The following C1R variants were observed in gnomAD, a reference collection of about 807,000 sequenced individuals.
C1R encodes complement C1r subcomponent.
Under a neutral mutation model 27.6 loss-of-function variants are expected in C1R, and 15 were observed. The ratio of observed to expected loss-of-function variants is 0.54; its 90% confidence interval spans 0.36 to 0.84. C1R has a LOEUF of 0.84. C1R is among the 40% of genes least tolerant of loss of function. C1R has a pLI of 0.01. For missense variants in C1R, 544 were observed against 577.9 expected (o/e 0.94, Z 0.60); for synonymous variants, 253 against 228.8 (o/e 1.11, Z -0.95).
rs1445598118 is a variant in C1R, at chr12:7,091,896, TCCAGAGGC to T, written c.3-224_3-217del. ...GGTCACTCTCCAGGGCAGTGTCCAGTCCAGAGGCCACCACACTCCCCTCACACTCCCTT... is the reference window on the plus strand; with the variant it reads ...GGTCACTCTCCAGGGCAGTGTCCAGTCACCACACTCCCCTCACACTCCCTT... On this transcript the variant is annotated intron_variant, in intron 1 of 10. Coordinates refer to ENST00000647956, the MANE Select transcript of C1R (RefSeq NM_001733.7). The surrounding 1 kb of genome is among the most constrained non-coding windows in gnomAD (Gnocchi z 5.1). The T allele has an allele frequency of 4.4e-6, 3 of 687,232 alleles. No homozygotes were observed. Among genetic ancestry groups the T allele is most frequent in the Non-Finnish European group, 8.0e-6 (3 of 376,636 alleles). The allele number at this position is 687,232 out of a possible 1,614,324, so 42.6% of individuals were successfully genotyped here.
In C1R at chr12:7,080,974, G is replaced by A. The variant is rs868475553; in HGVS notation, c.1676C>T (p.Ala559Val). The A allele has an allele frequency of 6.2e-7, 1 of 1,613,854 alleles. No homozygotes were observed. Among genetic ancestry groups the A allele is most frequent in the Non-Finnish European group, 8.5e-7 (1 of 1,179,742 alleles). Residue 559 changes from alanine (A) to valine (V), a missense_variant, in exon 11 of 11, where the codon GCC (alanine) becomes GTC (valine). This residue lies in a region of C1R where 253 missense variants were observed against 368.9 expected (regional missense o/e 0.69). Coordinates refer to ENST00000647956, the MANE Select transcript of C1R (RefSeq NM_001733.7). This position sits in a 1 kb window ranked among gnomAD's most constrained non-coding sequence, Gnocchi z 4.9. ...DESYNFEGDI[A>V]LLELENSVTL... is the part of the protein sequence containing the mutation. The stretch of plus-strand genomic sequence containing the variant: ...GACACTATTTTCCAGCTCCAGCAGG[G>A]CGATGTCCCCCTCAAAATTGTAGGA...
rs1386368812 is a variant in C1R at position 7,086,381 on chromosome 12, T to C, written c.1115A>G (p.Lys372Arg). Reference sequence around the variant, plus strand: ...CATATCCCTGAATTGTGACTTACTCTTGCATCTGGGCATGGCACGATGCCA... The same window carrying C: ...CATATCCCTGAATTGTGACTTACTCCTGCATCTGGGCATGGCACGATGCCA... ...GTWHRAMPRC[K>R]IKDCGQPRNL... Residue 372 changes from lysine to arginine, a missense_variant and splice_region_variant, in exon 8 of 11, where the codon AAG becomes AGG. Lys to Arg is a conservative substitution (Grantham distance 26, BLOSUM62 2). This residue lies in a region of C1R where 291 missense variants were observed against 209.0 expected (regional missense o/e 1.39). Transcript: ENST00000647956. 1 of 398,718 alleles carries C rather than the reference T, an allele frequency of 2.5e-6. No homozygotes were observed. Among genetic ancestry groups the C allele is most frequent in the East Asian group, 3.6e-5 (1 of 28,082 alleles). The allele number at this position is 398,718 out of a possible 1,614,324, so 24.7% of individuals were successfully genotyped here.
At chr12:7,086,327 C>T (rs1938155346) in intron 8 of C1R, 52 bp downstream of exon 8, 2 of 398,374 alleles carry the variant, frequency 5.0e-6, no homozygotes, top group Admixed American at 4.4e-5. Context: ...CCCAGGTCCT[C>T]AAGGCAGGAG....
chr12:7,086,558 CTTGGCTCCCCCATGGAT>C, intron 7 of C1R, 101 bp from the exon 8 acceptor site: 3 of 394,654 alleles, frequency 7.6e-6, no homozygotes, highest in Non-Finnish European at 4.5e-6. Flanking sequence ...CAAGACATCT[CTTGGCTCCCCCATGGAT>C]GTGGCTCCCC....
intron 9 of C1R, among the ~76,000 whole-genome samples, chr12:7,082,737 C>T (rs1456344227): frequency 3.3e-5 from 5 of 152,146 alleles, no homozygotes; most frequent in African/African-American, 9.7e-5. Context: ...GCATCTTGGT[C>T]GTGGAATCAT....
chr12:7,085,247 ATGG>A (rs1395666708), intron 9 of C1R, among the ~76,000 whole-genome samples: 1 of 143,926 alleles, frequency 6.9e-6, no homozygotes, highest in Non-Finnish European at 1.5e-5. Context: ...GGTGTTGGTA[ATGG>A]TGGTGGTGAT....
In C1R at chr12:7,085,897, T is replaced by C. The variant is rs913683008; in HGVS notation, c.1237A>G (p.Met413Val). Residue 413 changes from methionine to valine, a missense_variant, in exon 9 of 11, where the codon ATG becomes GTG. By Grantham distance (21) the Met-to-Val change is conservative. This residue lies in a region of C1R where 291 missense variants were observed against 209.0 expected (regional missense o/e 1.39). Transcript: ENST00000647956. ...TCCCTGCTGCCAGCTCTGGTCTGCA[T>C]CTTGTAATATGGCTCATGGCAGTAG... ...QYYCHEPYYKMQTRAGSRESE... is the reference protein window; with the variant it reads ...QYYCHEPYYKVQTRAGSRESE... 31 of 398,546 alleles carry C rather than the reference T, an allele frequency of 7.8e-5. No homozygotes were observed. The highest frequency in any genetic ancestry group is 5.6e-4 in the African/African-American group (27 of 48,612). 24.7% of individuals were successfully genotyped at this position (398,546 alleles called of 1,614,324 possible).
chr12:7,085,145 GTGT>G (rs1360694105), intron 9 of C1R, among the ~76,000 whole-genome samples: 9 of 141,428 alleles, frequency 6.4e-5, no homozygotes, highest in African/African-American at 2.5e-4. Flanking sequence ...GGTGATGATG[GTGT>G]TGGTGGTGAT....
In C1R at chr12:7,085,972, G is replaced by A. The variant is rs1483206280; in HGVS notation, c.1162C>T (p.Arg388Cys). 4.8e-5 allele frequency: 19 copies of A among 398,604 alleles called. No homozygotes were observed. Among genetic ancestry groups the A allele is most frequent in the East Asian group, 2.1e-4 (6 of 28,084 alleles). 24.7% of individuals were successfully genotyped at this position (398,604 alleles called of 1,614,324 possible). Residue 388 changes from arginine (R) to cysteine (C), a missense_variant, in exon 9 of 11, where the codon CGT becomes TGT. This residue lies in a region of C1R where 291 missense variants were observed against 209.0 expected (regional missense o/e 1.39). Transcript: ENST00000647956. ...TTCACTCCCATTGTGGTGGTGTAAC[G>A]GAAGTCACCATTAGGCAGGTTTCGG... ...QPRNLPNGDF[R>C]YTTTMGVNTY...
In C1R at chr12:7,091,820, C is replaced by T. The variant is rs993592492; in HGVS notation, c.3-140G>A. 3 of 706,666 alleles carry T rather than the reference C, an allele frequency of 4.2e-6. No individual in the cohort carries two copies. The highest frequency in any genetic ancestry group is 3.0e-5 in the South Asian group (2 of 66,748). The allele number at this position is 706,666 out of a possible 1,614,324, so 43.8% of individuals were successfully genotyped here. On this transcript the variant is annotated intron_variant, in intron 1 of 10. Transcript: ENST00000647956. The surrounding 1 kb of genome is among the most constrained non-coding windows in gnomAD (Gnocchi z 5.1). ...CCACCCTGAACCTCACAGACATGTT[C>T]TCAGCAGGGGTGCGTGGGTGGGGAG... is the stretch of plus-strand genomic sequence containing the variant.
rs1938034869 is a variant in C1R at position 7,080,549 on chromosome 12, T to C, written c.2101A>G (p.Met701Val). ...LNYVDWIKKE[M>V]EEED is the part of the protein sequence containing the mutation. Reference sequence around the variant, plus strand: ...TTCTGGGCTCAGTCCTCCTCCTCCATCTCTTTCTTGATCCAGTCCACGTAG... The same window carrying C: ...TTCTGGGCTCAGTCCTCCTCCTCCACCTCTTTCTTGATCCAGTCCACGTAG... The change falls in exon 11 of 11, where the codon ATG becomes GTG. Residue 701 changes from methionine (M) to valine (V), a missense_variant. Physicochemically the swap from Met to Val is conservative, Grantham distance 21. Coordinates refer to ENST00000647956, the MANE Select transcript of C1R (RefSeq NM_001733.7). This position sits in a 1 kb window ranked among gnomAD's most constrained non-coding sequence, Gnocchi z 4.9. The C allele has an allele frequency of 1.3e-6, 2 of 1,571,840 alleles. No individual in the cohort carries two copies. Among genetic ancestry groups the C allele is most frequent in the Admixed American group, 3.5e-5 (2 of 56,748 alleles).
At chr12:7,089,083 T>G in intron 5 of C1R, 97 bp from the exon 6 acceptor site, 1 of 637,916 alleles carries the variant, frequency 1.6e-6, no homozygotes, top group Non-Finnish European at 2.8e-6. Context: ...GTGGTGGTGA[T>G]GAAATCCTGC....
Position 7,081,219 on chromosome 12 carries a change from C to A in C1R, c.1431G>T (p.Trp477Cys). ...GCCCGTGGATGTTGGTGAACACCTG[C>A]CAGGGGAAGTTGCCCATCTTGGCTT... ...GQKAKMGNFPWQVFTNIHGRG... is the reference protein window; with the variant it reads ...GQKAKMGNFPCQVFTNIHGRG... Residue 477 changes from tryptophan to cysteine, a missense_variant, in exon 11 of 11, where the codon TGG becomes TGT. Transcript: ENST00000647956. The A allele has an allele frequency of 6.2e-7, 1 of 1,613,310 alleles. No homozygotes were observed. Among genetic ancestry groups the A allele is most frequent in the Non-Finnish European group, 8.5e-7 (1 of 1,179,570 alleles).
In C1R at chr12:7,086,594, T is replaced by C. The variant is rs1343192038; in HGVS notation, c.1039-137A>G. 5 of 391,002 alleles carry C rather than the reference T, an allele frequency of 1.3e-5. No homozygotes were observed. The Admixed American group carries it at 1.3e-4, about 10-fold the overall frequency. 24.2% of individuals were successfully genotyped at this position (391,002 alleles called of 1,614,324 possible). A position where few individuals can be genotyped will look rare whatever the true frequency, so the allele number is the denominator to read the frequency against. ...CATGGATGTGGCTCCCCCATGGATG[T>C]GGCTCCCCCATGGATGTGGCTCCTT... On this transcript the variant is annotated intron_variant, in intron 7 of 10. Transcript: ENST00000647956.
intron 9 of C1R, among the ~76,000 whole-genome samples, chr12:7,083,564 G>T (rs1385018055): frequency 6.6e-6 from 1 of 151,028 alleles, no homozygotes; most frequent in East Asian, 2.0e-4. Context: ...AGTGGTGTTG[G>T]TAATGGTGAT....
Position 7,080,458 on chromosome 12 carries a change from A to G in C1R, c.*74T>C. On this transcript the variant is annotated 3_prime_UTR_variant, in exon 11 of 11. Transcript: ENST00000647956. This position sits in a 1 kb window ranked among gnomAD's most constrained non-coding sequence, Gnocchi z 4.9. ...TTAATAGAGACTCTTAGTGGTTATC[A>G]ACAACTGGTCAGTTGTTTTTTGTTT... 6.6e-7 allele frequency: 1 copy of G among 1,507,980 alleles called. No homozygotes were observed. The highest frequency in any genetic ancestry group is 2.3e-5 in the East Asian group (1 of 43,968). The allele number at this position is 1,507,980 out of a possible 1,614,324, so 93.4% of individuals were successfully genotyped here. A position where few individuals can be genotyped will look rare whatever the true frequency, so the allele number is the denominator to read the frequency against.
In C1R at chr12:7,088,973, C is replaced by T. The variant is rs1227219335; in HGVS notation, c.782G>A (p.Gly261Glu). 1 of 746,878 alleles carries T rather than the reference C, an allele frequency of 1.3e-6. No individual in the cohort carries two copies. 46.3% of individuals were successfully genotyped at this position (746,878 alleles called of 1,614,324 possible). A position where few individuals can be genotyped will look rare whatever the true frequency, so the allele number is the denominator to read the frequency against. The change falls in exon 6 of 11, where the codon GGG (glycine) becomes GAG (glutamate). Residue 261 changes from glycine to glutamate, a missense_variant. By Grantham distance (98) the Gly-to-Glu change is moderately conservative. This residue lies in a region of C1R where 291 missense variants were observed against 209.0 expected (regional missense o/e 1.39). Transcript: ENST00000647956. ...CCCACAGAACTCGCCAATGTTCTTC[C>T]CGTTGGCATAGATCTAGTAGGGGAG... ...PYDQLQIYAN[G>E]KNIGEFCGKQ...
chr12:7,092,248 G>T lies in C1R; in HGVS notation c.2+139C>A. 4.1e-6 allele frequency: 3 copies of T among 726,226 alleles called. No individual in the cohort carries two copies. The Admixed American group carries it at 5.8e-5, about 14-fold the overall frequency. The allele number at this position is 726,226 out of a possible 1,614,324, so 45.0% of individuals were successfully genotyped here. A position where few individuals can be genotyped will look rare whatever the true frequency, so the allele number is the denominator to read the frequency against. ...AGGAGGGATGGGGCGTGTGTTGTGT[G>T]TGTCCACGCGTGTGCACAGTGGAAC... On this transcript the variant is annotated intron_variant, in intron 1 of 10. Transcript: ENST00000647956.
chr12:7,089,986 A>G (rs1202540321), intron 3 of C1R, 70 bp downstream of exon 3: 3 of 705,616 alleles, frequency 4.3e-6, no homozygotes, highest in Non-Finnish European at 5.3e-6. Context: ...TGCATTCAAG[A>G]TTCCCTTTCT....
Sources: gnomAD v4.1 joint callset for allele counts (sites outside exome capture counted in the v4.1 genomes callset) on GRCh38, gnomAD v4.1.1 for gene constraint, gnomAD v4.1.1 regional missense constraint, Gnocchi (gnomAD v3.1) non-coding constraint, MANE v1.5 for transcripts, NCBI Gene and HGNC (gene_info 2026-07-23, HGNC 2026-07-21) for gene names.